LGR5: variants seen among roughly 807,000 people sequenced by gnomAD.
The protein encoded by LGR5 is leucine-rich repeat-containing G protein-coupled receptor 5.
LGR5 carries 54 observed loss-of-function variants against 76.7 expected under a neutral mutation model. That is an observed-to-expected ratio of 0.70 (90% confidence interval 0.57 to 0.88). The LOEUF (loss-of-function observed/expected upper bound fraction) is 0.88, where lower values mean the gene tolerates loss of function less well. Ranked by LOEUF, LGR5 falls within the 40% of genes least tolerant of loss-of-function variation. The pLI is 0.00. For missense variants in LGR5, 1,078 were observed against 1,073.3 expected (o/e 1.00, Z -0.06); for synonymous variants, 406 against 421.9 (o/e 0.96, Z 0.46).
intron 4 of LGR5, among the ~76,000 whole-genome samples, chr12:71,537,595 G>C (rs1422299459): frequency 6.6e-6 from 1 of 152,194 alleles, no homozygotes; most frequent in Admixed American, 6.5e-5. Context: ...CACAAGGCCA[G>C]TTTGGAGGTT....
chr12:71,524,278 C>A, intron 2 of LGR5, 128 bp from the exon 3 acceptor site: 11 of 632,390 alleles, frequency 1.7e-5, no homozygotes, highest in Admixed American at 9.9e-5. Context: ...TATAACAAAA[C>A]AAAGTTGTTT....
Position 71,495,904 on chromosome 12 carries a change from T to C in LGR5, c.213-8710T>C, listed in dbSNP as rs370345507. The stretch of plus-strand genomic sequence containing the variant: ...ACTTGTTACAGCAAGTATGTTTTAC[T>C]TCTAATTCAAAGGTCATCAAATAAG... On this transcript the variant is annotated intron_variant, in intron 1 of 17. Coordinates refer to ENST00000266674, the MANE Select transcript of LGR5 (RefSeq NM_003667.4). Among the ~76,000 whole-genome samples, 26 of 152,218 alleles carry C rather than the reference T, an allele frequency of 1.7e-4. No individual in the cohort carries two copies. In the East Asian group the frequency reaches 4.0e-3, roughly 24 times the overall value.
intron 3 of LGR5, among the ~76,000 whole-genome samples, chr12:71,534,826 G>T (rs1230562936): frequency 6.6e-6 from 1 of 152,134 alleles, no homozygotes; most frequent in Non-Finnish European, 1.5e-5. Flanking sequence ...CTTTCAGAGA[G>T]ACCTTCCCTG....
At chr12:71,550,099 G>A (rs1040963002) in intron 4 of LGR5, among the ~76,000 whole-genome samples, 2 of 152,112 alleles carry the variant, frequency 1.3e-5, no homozygotes, top group Non-Finnish European at 2.9e-5. Flanking sequence ...TGCTGAAAGA[G>A]CCTTTTCCAT....
chr12:71,551,638 T>C (rs1447169696), intron 4 of LGR5, among the ~76,000 whole-genome samples: 1 of 152,192 alleles, frequency 6.6e-6, no homozygotes, highest in Non-Finnish European at 1.5e-5. Flanking sequence ...GCAAACGATG[T>C]GAGTTTTGTC....
chr12:71,455,581 A>T (rs1872437360), intron 1 of LGR5, among the ~76,000 whole-genome samples: 1 of 152,184 alleles, frequency 6.6e-6, no homozygotes. Context: ...CATTAAATCA[A>T]CAAGCAGACC....
chr12:71,449,535 A>C (rs1393488760), intron 1 of LGR5, among the ~76,000 whole-genome samples: 1 of 152,202 alleles, frequency 6.6e-6, no homozygotes, highest in Non-Finnish European at 1.5e-5. Flanking sequence ...ATTAACTGAC[A>C]GCAAGTGTCC....
chr12:71,485,982 T>A (rs1355542911), intron 1 of LGR5, among the ~76,000 whole-genome samples: 1 of 152,006 alleles, frequency 6.6e-6, no homozygotes, highest in Non-Finnish European at 1.5e-5. Context: ...GCTAGGGTGG[T>A]CTCGAACTCC....
At chr12:71,483,191 C>T (rs1280921267) in intron 1 of LGR5, among the ~76,000 whole-genome samples, 2 of 152,146 alleles carry the variant, frequency 1.3e-5, no homozygotes, top group East Asian at 3.8e-4. Context: ...GCGAAGAAGT[C>T]CACTAAGATC....
chr12:71,471,841 A>C (rs1263187506), intron 1 of LGR5, among the ~76,000 whole-genome samples: 1 of 152,184 alleles, frequency 6.6e-6, no homozygotes. Context: ...GTGACATAAT[A>C]GCACTCAATA....
In LGR5 at chr12:71,584,448, C is replaced by T. The variant is rs1341457040; in HGVS notation, c.2438C>T (p.Ala813Val). 2 of 1,614,142 alleles carry T rather than the reference C, an allele frequency of 1.2e-6. No individual in the cohort carries two copies. The highest frequency in any genetic ancestry group is 2.2e-5 in the East Asian group (1 of 44,886). The change falls in exon 18 of 18, where the codon GCA (alanine) becomes GTA (valine). Residue 813 changes from alanine (A) to valine (V), a missense_variant. Transcript: ENST00000266674. Reference protein sequence around the residue: ...FILLVVVPLPACLNPLLYILF... With the variant: ...FILLVVVPLPVCLNPLLYILF... ...CTTCTGGTGGTAGTCCCACTTCCTGCATGTCTCAATCCCCTTCTCTACATC... is the reference window on the plus strand; with the variant it reads ...CTTCTGGTGGTAGTCCCACTTCCTGTATGTCTCAATCCCCTTCTCTACATC...
intron 4 of LGR5, among the ~76,000 whole-genome samples, chr12:71,548,324 T>TGTGTGTGTGTGTGTGTGTGTGTGC (rs1555173645): frequency 6.6e-6 from 1 of 151,790 alleles, no homozygotes; most frequent in Non-Finnish European, 1.5e-5. Flanking sequence ...TGTGTGTGTG[T>TGTGTGTGTGTGTGTGTGTGTGTGC]GCGTAGATAC....
intron 15 of LGR5, 29 bp from the exon 16 acceptor site, chr12:71,580,248 GT>G: frequency 6.4e-7 from 1 of 1,574,656 alleles, no homozygotes; most frequent in Non-Finnish European, 8.6e-7. Flanking sequence ...TTCTTTAAGT[GT>G]TTTTTGTTTG....
chr12:71,561,762 A>AC lies in LGR5; in HGVS notation c.786-19_786-18insC. 1 of 1,525,982 alleles carries AC rather than the reference A, an allele frequency of 6.6e-7. No individual in the cohort carries two copies. Among genetic ancestry groups the AC allele is most frequent in the Non-Finnish European group, 9.0e-7 (1 of 1,117,270 alleles). 94.5% of individuals were successfully genotyped at this position (1,525,982 alleles called of 1,614,324 possible). ...TTTACCCCACACAGGATTTTTTATA[A>AC]TTTTTTTTCTCTTTCTAGAGGATTT... On this transcript the variant is annotated intron_variant, in intron 7 of 17. Transcript: ENST00000266674.
At chr12:71,566,734 AACAT>A in intron 10 of LGR5, 34 bp downstream of exon 10, 1 of 1,589,136 alleles carries the variant, frequency 6.3e-7, no homozygotes, top group South Asian at 1.1e-5. Context: ...CTTTGCCCAG[AACAT>A]ACACTGCCAT....
At chr12:71,575,700 G>A (rs1004981491) in intron 13 of LGR5, among the ~76,000 whole-genome samples, 1 of 150,706 alleles carries the variant, frequency 6.6e-6, no homozygotes, top group Admixed American at 6.6e-5. Context: ...GACAGAGTGA[G>A]ACTCCATCTC....
intron 1 of LGR5, among the ~76,000 whole-genome samples, chr12:71,478,322 A>G (rs1873432022): frequency 6.6e-6 from 1 of 152,224 alleles, no homozygotes; most frequent in African/African-American, 2.4e-5. Flanking sequence ...GGAAAGACAG[A>G]TGACCAACTT....
intron 4 of LGR5, among the ~76,000 whole-genome samples, chr12:71,550,684 G>C (rs1400691799): frequency 6.6e-6 from 1 of 151,928 alleles, no homozygotes; most frequent in African/African-American, 2.4e-5. Flanking sequence ...GGCTGGTCTG[G>C]AACTCCTGAC....
intron 1 of LGR5, among the ~76,000 whole-genome samples, chr12:71,485,833 T>C (rs1196990615): frequency 6.6e-6 from 1 of 151,524 alleles, no homozygotes; most frequent in African/African-American, 2.4e-5. Context: ...TGGTGCAATC[T>C]CGGCTCACTG....
Sources: gnomAD v4.1 joint callset for allele counts (sites outside exome capture counted in the v4.1 genomes callset) on GRCh38, gnomAD v4.1.1 for gene constraint, MANE v1.5 for transcripts, NCBI Gene and HGNC (gene_info 2026-07-23, HGNC 2026-07-21) for gene names.